THTPA: variants seen among roughly 807,000 people sequenced by gnomAD.
THTPA encodes thiamine-triphosphatase.
THTPA carries 16 observed loss-of-function variants against 16.5 expected under a neutral mutation model. The ratio of observed to expected loss-of-function variants is 0.97; its 90% confidence interval spans 0.66 to 1.47. The LOEUF (loss-of-function observed/expected upper bound fraction) is 1.47, where lower values mean the gene tolerates loss of function less well. THTPA is among the 40% of genes most tolerant of loss of function. The pLI is 0.00. For synonymous variants in THTPA, 110 were observed against 115.5 expected, an observed-to-expected ratio of 0.95 and a Z score of 0.30; for missense variants, 281 against 280.9, an observed-to-expected ratio of 1.00 and a Z score of 0.00.
the THTPA span, among the ~76,000 whole-genome samples, chr14:23,537,514 A>T: frequency 6.6e-6 from 1 of 152,060 alleles, no homozygotes; most frequent in Non-Finnish European, 1.5e-5. Flanking sequence ...TGAAGGCCCC[A>T]TTGTAGCTTC....
the THTPA span, chr14:23,522,174 G>A: frequency 6.7e-7 from 1 of 1,497,832 alleles, no homozygotes; most frequent in East Asian, 2.5e-5. Context: ...CCACTCAGCA[G>A]CACCTCACAT....
At chr14:23,534,216 T>G in the THTPA span, 1 of 1,503,482 alleles carries the variant, frequency 6.7e-7, no homozygotes, top group African/African-American at 1.4e-5. The surrounding 1 kb of genome is among the most constrained non-coding windows in gnomAD (Gnocchi z 4.5). Context: ...AATCTGGCCC[T>G]GCCTCGCCTG....
At chr14:23,517,892 C>A in the THTPA span, among the ~76,000 whole-genome samples, 2 of 152,196 alleles carry the variant, frequency 1.3e-5, no homozygotes, top group Admixed American at 6.5e-5. Context: ...GATCCTCTCC[C>A]CATATGTTAA....
At position 23,558,941 on chromosome 14, in the gene THTPA, CCT is replaced by C; in HGVS notation, c.*109_*110del. Reference sequence around the variant, plus strand: ...CTCAGTGTCCCTTCTGACAGTGACTCCTCTCTCTCCAGCGCTGCCTGTTTCTT... The same window carrying C: ...CTCAGTGTCCCTTCTGACAGTGACTCCTCTCTCCAGCGCTGCCTGTTTCTT... On this transcript the variant is annotated 3_prime_UTR_variant, in exon 2 of 2. Coordinates refer to ENST00000288014, the MANE Select transcript of THTPA (RefSeq NM_024328.6). The C allele has an allele frequency of 5.7e-6, 8 of 1,405,246 alleles. No homozygotes were observed. The highest frequency in any genetic ancestry group is 7.8e-6 in the Non-Finnish European group (8 of 1,025,884). 87.0% of individuals were successfully genotyped at this position (1,405,246 alleles called of 1,614,324 possible).
chr14:23,558,053 C>T (rs927343020), intron 1 of THTPA, among the ~76,000 whole-genome samples: 3 of 152,252 alleles, frequency 2.0e-5, no homozygotes, highest in African/African-American at 7.2e-5. Flanking sequence ...AGTTCATCCA[C>T]ACTAGGAATT....
At chr14:23,551,085 ATC>A (rs1484504913), upstream of THTPA, among the ~76,000 whole-genome samples, 1 of 127,134 alleles carries the variant, frequency 7.9e-6, no homozygotes, top group East Asian at 2.2e-4. The surrounding 1 kb of genome is among the most constrained non-coding windows in gnomAD (Gnocchi z 5.3). Context: ...CCACCCCCGC[ATC>A]TCTCTTCCCC....
chr14:23,533,847 G>C, the THTPA span: 8 of 1,539,470 alleles, frequency 5.2e-6, no homozygotes, highest in Non-Finnish European at 6.1e-6. This position sits in a 1 kb window ranked among gnomAD's most constrained non-coding sequence, Gnocchi z 4.8. Context: ...GAGCAAGGCG[G>C]GGGTGGGCGC....
At position 23,559,887 on chromosome 14, in the gene THTPA, A is replaced by T; in HGVS notation, c.*1047A>T. 6.2e-7 allele frequency: 1 copy of T among 1,612,536 alleles called. No homozygotes were observed. The highest frequency in any genetic ancestry group is 8.5e-7 in the Non-Finnish European group (1 of 1,178,870). ...AGAGCAGGGACCAGGGTTAGCACCC[A>T]CGGCTTCTTCTATCCCTGGGTCTTG... is the stretch of plus-strand genomic sequence containing the variant. On this transcript the variant is annotated 3_prime_UTR_variant, in exon 2 of 2. Coordinates refer to ENST00000288014, the MANE Select transcript of THTPA (RefSeq NM_024328.6).
chr14:23,557,326 G>T, intron 1 of THTPA, 22 bp downstream of exon 1: 1 of 1,554,882 alleles, frequency 6.4e-7, no homozygotes, highest in Non-Finnish European at 8.7e-7. Context: ...AGGCCCTTTT[G>T]TGCTTTTCCT....
the THTPA span, chr14:23,543,028 G>A: frequency 6.6e-6 from 1 of 152,226 alleles, no homozygotes; most frequent in Non-Finnish European, 1.5e-5. Context: ...CGGCTGGAAG[G>A]AAAACATTCT....
At chr14:23,522,299 T>C in the THTPA span, 2 of 1,512,028 alleles carry the variant, frequency 1.3e-6, no homozygotes, top group South Asian at 2.5e-5. Flanking sequence ...GGCCTCCCCG[T>C]CAAATGCCAT....
the THTPA span, among the ~76,000 whole-genome samples, chr14:23,512,536 C>A: frequency 3.3e-5 from 5 of 149,350 alleles, no homozygotes; most frequent in African/African-American, 7.4e-5. Context: ...TCACCCCACC[C>A]CCACCCCACC....
Position 23,559,180 on chromosome 14 carries a change from T to C in THTPA, c.*340T>C. On this transcript the variant is annotated 3_prime_UTR_variant, in exon 2 of 2. Transcript: ENST00000288014. ...CCCCCCCTCCCTTGGTCGATGCCAT[T>C]GATTCTGCCAGCGGCTCCTAAACCG... 3.8e-6 allele frequency: 1 copy of C among 264,590 alleles called. No homozygotes were observed. Among genetic ancestry groups the C allele is most frequent in the Non-Finnish European group, 7.3e-6 (1 of 137,010 alleles). The allele number at this position is 264,590 out of a possible 1,614,324, so 16.4% of individuals were successfully genotyped here.
chr14:23,537,580 T>C, the THTPA span, among the ~76,000 whole-genome samples: 1 of 151,806 alleles, frequency 6.6e-6, no homozygotes, highest in East Asian at 1.9e-4. Context: ...GAATGCTGAG[T>C]GGAGTGGGAT....
chr14:23,559,059 C>A lies in THTPA; in HGVS notation c.*219C>A. On this transcript the variant is annotated 3_prime_UTR_variant, in exon 2 of 2. Transcript: ENST00000288014. The stretch of plus-strand genomic sequence containing the variant: ...TGCAATCTGTGGGCCGCCCCTCTCC[C>A]CTGGCCGCTAAGCAGCCTCCATTGA... The A allele has an allele frequency of 3.5e-6, 2 of 573,578 alleles. No homozygotes were observed. Among genetic ancestry groups the A allele is most frequent in the Non-Finnish European group, 6.1e-6 (2 of 326,906 alleles). 35.5% of individuals were successfully genotyped at this position (573,578 alleles called of 1,614,324 possible). A position where few individuals can be genotyped will look rare whatever the true frequency, so the allele number is the denominator to read the frequency against.
chr14:23,517,062 A>G, the THTPA span, among the ~76,000 whole-genome samples: 1 of 152,074 alleles, frequency 6.6e-6, no homozygotes, highest in East Asian at 1.9e-4. Context: ...CTGCTTCCCC[A>G]TTAGCTTCTG....
chr14:23,558,893 C>G lies in THTPA; in HGVS notation c.*53C>G, dbSNP rs1056390995. 2 of 1,603,156 alleles carry G rather than the reference C, an allele frequency of 1.2e-6. No individual in the cohort carries two copies. The highest frequency in any genetic ancestry group is 1.7e-6 in the Non-Finnish European group (2 of 1,173,954). ...AACTCTGGGTCTAACGGAGTCCACT[C>G]CTGGGCCCACTGTGCCTCTCCCCTC... On this transcript the variant is annotated 3_prime_UTR_variant, in exon 2 of 2. Transcript: ENST00000288014.
chr14:23,514,484 A>G, the THTPA span: 1 of 152,476 alleles, frequency 6.6e-6, no homozygotes, highest in Non-Finnish European at 1.5e-5. Context: ...GGGCTCTAGA[A>G]TGGGAAGGGT....
upstream of THTPA, among the ~76,000 whole-genome samples, chr14:23,554,179 G>A (rs1882175872): frequency 1.3e-5 from 2 of 152,046 alleles, no homozygotes; most frequent in African/African-American, 4.8e-5. Context: ...CAAATAAGCT[G>A]CTGCTTTTGC....
Sources: allele counts gnomAD v4.1 joint callset (sites outside exome capture counted in the v4.1 genomes callset), GRCh38; gene constraint gnomAD v4.1.1; non-coding constraint Gnocchi (gnomAD v3.1); transcripts MANE v1.5; gene names NCBI Gene and HGNC (gene_info 2026-07-23, HGNC 2026-07-21).